Variants in RELN observed in about 807,000 individuals in gnomAD.
RELN encodes the protein reelin.
RELN carries 108 observed loss-of-function variants against 427.6 expected under a neutral mutation model. The observed-to-expected ratio is 0.25, with a 90% CI of 0.22 to 0.30. The LOEUF is 0.30. Ranked by LOEUF, RELN falls within the 10% of genes least tolerant of loss-of-function variation. The pLI is 1.00. For synonymous variants in RELN, 1,524 were observed against 1,513.4 expected, an observed-to-expected ratio of 1.01 and a Z score of -0.16; for missense variants, 3,715 against 4,302.8, an observed-to-expected ratio of 0.86 and a Z score of 3.82.
At chr7:103,567,237 G>T (rs1303355391) in intron 31 of RELN, among the ~76,000 whole-genome samples, 1 of 152,190 alleles carries the variant, frequency 6.6e-6, no homozygotes, top group Non-Finnish European at 1.5e-5. Context: ...CTTGCACTTC[G>T]CACTTTGTCA....
At chr7:103,586,698 A>G (rs894917371) in intron 28 of RELN, among the ~76,000 whole-genome samples, 4 of 152,252 alleles carry the variant, frequency 2.6e-5, no homozygotes, top group Non-Finnish European at 5.9e-5. Flanking sequence ...TTAAGGACAC[A>G]AAATAAACGT....
In RELN at chr7:103,688,472, T is replaced by C. The variant is rs78460104; in HGVS notation, c.1144-6211A>G. Reference sequence around the variant, plus strand: ...TGCATGGAAGATGAATTAGGTATGATAGTATTGCTGTGTCAGGGGGTTATA... The same window carrying C: ...TGCATGGAAGATGAATTAGGTATGACAGTATTGCTGTGTCAGGGGGTTATA... On this transcript the variant is annotated intron_variant, in intron 10 of 64. Coordinates refer to ENST00000428762, the MANE Select transcript of RELN (RefSeq NM_005045.4). 2.5e-4 allele frequency among the ~76,000 whole-genome samples: 38 copies of C among 152,208 alleles called. 1 individual carries two copies. In the East Asian group the frequency reaches 7.0e-3, roughly 28 times the overall value.
At chr7:103,773,366 TCTCCCTCC>T (rs1173778068) in intron 4 of RELN, among the ~76,000 whole-genome samples, 1 of 34,664 alleles carries the variant, frequency 2.9e-5, no homozygotes, top group African/African-American at 3.0e-4. Flanking sequence ...CCTCTCTCTC[TCTCCCTCC>T]CTCCCTCCCT....
At chr7:103,955,392 C>A (rs1353700899) in intron 1 of RELN, among the ~76,000 whole-genome samples, 1 of 152,154 alleles carries the variant, frequency 6.6e-6, no homozygotes, top group Non-Finnish European at 1.5e-5. Flanking sequence ...AAAATAAAAT[C>A]TTGTCCTAGT....
At chr7:103,751,757 T>A (rs1051030582) in intron 5 of RELN, among the ~76,000 whole-genome samples, 22 of 152,168 alleles carry the variant, frequency 1.4e-4, no homozygotes, top group African/African-American at 5.1e-4. Context: ...AGCTGTAGCA[T>A]TACATAAAAG....
intron 3 of RELN, among the ~76,000 whole-genome samples, chr7:103,804,082 C>G (rs950690923): frequency 6.6e-6 from 1 of 152,014 alleles, no homozygotes; most frequent in African/African-American, 2.4e-5. Context: ...TTTATCACAT[C>G]TAGGCATTTC....
At chr7:103,525,970 A>G (rs1203033299) in intron 46 of RELN, among the ~76,000 whole-genome samples, 5 of 152,196 alleles carry the variant, frequency 3.3e-5, no homozygotes, top group African/African-American at 4.8e-5. Context: ...CTGAAACACT[A>G]TTAAGTTGGT....
chr7:103,536,371 C>T (rs1830052293), intron 45 of RELN, among the ~76,000 whole-genome samples: 2 of 152,290 alleles, frequency 1.3e-5, no homozygotes, highest in South Asian at 2.1e-4. Context: ...ACCTCCCTTC[C>T]GAAATTGCTT....
chr7:103,737,261 C>T (rs150207559), intron 6 of RELN, among the ~76,000 whole-genome samples: 131 of 152,300 alleles, frequency 8.6e-4, no homozygotes, highest in African/African-American at 2.9e-3. Context: ...AAGGTTTATG[C>T]TCCCTTTCAC....
chr7:103,707,713 G>A (rs1834236260), intron 8 of RELN, among the ~76,000 whole-genome samples: 1 of 151,882 alleles, frequency 6.6e-6, no homozygotes. Context: ...TGGCCAGGAT[G>A]GTCTCGATCT....
chr7:103,979,012 T>C (rs1232981225), intron 1 of RELN, among the ~76,000 whole-genome samples: 1 of 152,146 alleles, frequency 6.6e-6, no homozygotes, highest in African/African-American at 2.4e-5. Context: ...AAAACATCTA[T>C]ATGTGGAACA....
chr7:103,493,800 A>G (rs1828742964), intron 57 of RELN, among the ~76,000 whole-genome samples: 1 of 152,118 alleles, frequency 6.6e-6, no homozygotes, highest in South Asian at 2.1e-4. Context: ...TGTAGAGAGG[A>G]AAGAGAAGGT....
At chr7:103,835,905 A>AAACTTGTT (rs1320896929) in intron 2 of RELN, among the ~76,000 whole-genome samples, 1 of 151,340 alleles carries the variant, frequency 6.6e-6, no homozygotes, top group Non-Finnish European at 1.5e-5. Flanking sequence ...TCTAAAATAT[A>AAACTTGTT]AACTTGTTCA....
At chr7:103,757,378 T>C (rs1263053143) in intron 4 of RELN, among the ~76,000 whole-genome samples, 1 of 152,192 alleles carries the variant, frequency 6.6e-6, no homozygotes, top group African/African-American at 2.4e-5. Flanking sequence ...CTCGTATGTT[T>C]TTATCTCAAC....
Position 103,716,563 on chromosome 7 carries a change from C to T in RELN, c.805+6577G>A, listed in dbSNP as rs73712216. On this transcript the variant is annotated intron_variant, in intron 8 of 64. Transcript: ENST00000428762. ...CCCATGGATTTCATTTAGCATACTC[C>T]CTTGCTTCAGAAGTCAAGAATGCAG... Among the ~76,000 whole-genome samples, 1,419 of 152,254 alleles carry T rather than the reference C, an allele frequency of 9.3e-3. 20 individuals are homozygous for T. The highest frequency in any genetic ancestry group is 0.032 in the African/African-American group (1,327 of 41,542).
chr7:103,641,086 G>A (rs1832685405), intron 16 of RELN, among the ~76,000 whole-genome samples: 2 of 152,144 alleles, frequency 1.3e-5, no homozygotes, highest in East Asian at 3.8e-4. Context: ...CTGGAAATGA[G>A]GAGTTAAGAA....
At chr7:103,705,743 A>C (rs953231778) in intron 8 of RELN, among the ~76,000 whole-genome samples, 1 of 152,138 alleles carries the variant, frequency 6.6e-6, no homozygotes, top group Non-Finnish European at 1.5e-5. Context: ...GGCCTTTGAA[A>C]CTTCAAAGCT....
Position 103,603,792 on chromosome 7 carries a change from G to A in RELN, c.3147-302C>T, listed in dbSNP as rs1025466605. 4.6e-5 allele frequency among the ~76,000 whole-genome samples: 7 copies of A among 152,152 alleles called. No homozygotes were observed. Among genetic ancestry groups the A allele is most frequent in the Non-Finnish European group, 7.4e-5 (5 of 68,008 alleles). On this transcript the variant is annotated intron_variant, in intron 23 of 64. Transcript: ENST00000428762. This position sits in a 1 kb window ranked among gnomAD's most constrained non-coding sequence, Gnocchi z 4.3. The stretch of plus-strand genomic sequence containing the variant: ...TGTGAGTGTGTGTTTGTGGGGGGCT[G>A]AGGGATAGTGGGATTTCCCTATTGC...
chr7:103,472,927 A>G lies in RELN; in HGVS notation c.10287-19T>C, dbSNP rs776920903. ...GCGAGTGCTGTTAAAATCAAACAGG[A>G]TAGAGGCAGGGAAGGAAAGGAAAAA... On this transcript the variant is annotated intron_variant, in intron 64 of 64. Transcript: ENST00000428762. 3.8e-6 allele frequency: 6 copies of G among 1,589,416 alleles called. No homozygotes were observed. The highest frequency in any genetic ancestry group is 1.7e-5 in the Admixed American group (1 of 59,978).
Sources: gnomAD v4.1 joint callset for allele counts (sites outside exome capture counted in the v4.1 genomes callset) on GRCh38, gnomAD v4.1.1 for gene constraint, Gnocchi (gnomAD v3.1) non-coding constraint, MANE v1.5 for transcripts, NCBI Gene and HGNC (gene_info 2026-07-23, HGNC 2026-07-21) for gene names.